The following SETD2 variants were observed in gnomAD, a reference collection of about 807,000 sequenced individuals.
The protein encoded by SETD2 is SET domain containing 2, histone lysine methyltransferase, also known as histone-lysine N-methyltransferase SETD2.
Under a neutral mutation model 242.1 loss-of-function variants are expected in SETD2, and 31 were observed. That is an observed-to-expected ratio of 0.13 (90% CI 0.10 to 0.17). The LOEUF is 0.17. Among genes scored for constraint, SETD2 ranks in the 10% least tolerant of loss-of-function variants. The pLI is 1.00. For synonymous variants in SETD2, 1,006 were observed against 1,066.5 expected (o/e 0.94, Z 1.11); for missense variants, 2,481 against 3,046.3 (o/e 0.81, Z 4.37).
rs192363493 is a variant in SETD2 at position 47,021,488 on chromosome 3, G to A, written c.7351-1648C>T. The stretch of plus-strand genomic sequence containing the variant: ...TGATGAGGTTGGCGGGGGATTGGTG[G>A]GGGGTGGCCTTTAAAAACACAATTA... On this transcript the variant is annotated intron_variant, in intron 18 of 20. Transcript: ENST00000409792. 7.2e-5 allele frequency among the ~76,000 whole-genome samples: 11 copies of A among 152,238 alleles called. No individual in the cohort carries two copies. The East Asian group carries it at 2.1e-3, about 29-fold the overall frequency.
At chr3:47,103,752 A>ACC (rs1416691793) in intron 6 of SETD2, among the ~76,000 whole-genome samples, 2 of 151,928 alleles carry the variant, frequency 1.3e-5, no homozygotes, top group Non-Finnish European at 2.9e-5. Flanking sequence ...ACGCACACAC[A>ACC]CACACACTCC....
chr3:47,083,089 C>A (rs2041386502), intron 12 of SETD2, among the ~76,000 whole-genome samples: 1 of 152,188 alleles, frequency 6.6e-6, no homozygotes, highest in African/African-American at 2.4e-5. Context: ...AAGACTCAGT[C>A]TGGGTTTTCT....
intron 1 of SETD2, among the ~76,000 whole-genome samples, chr3:47,148,110 T>TTTGTTGTTG (rs144690368): frequency 3.4e-5 from 5 of 148,898 alleles, no homozygotes; most frequent in Non-Finnish European, 7.4e-5. Context: ...TTGGTTGTGT[T>TTTGTTGTTG]TTGTTGTTGT....
intron 12 of SETD2, among the ~76,000 whole-genome samples, chr3:47,078,439 C>T (rs564908220): frequency 6.6e-6 from 1 of 150,662 alleles, no homozygotes; most frequent in South Asian, 2.1e-4. Context: ...TAAAGGCAGA[C>T]CGAAGAACTA....
intron 17 of SETD2, 125 bp downstream of exon 17, chr3:47,042,436 A>G (rs2039324304): frequency 2.4e-6 from 2 of 844,652 alleles, no homozygotes; most frequent in Admixed American, 2.4e-5. Context: ...CTGGAAATCC[A>G]GCAGCCTTCA....
At chr3:47,071,506 C>A (rs138265751) in intron 12 of SETD2, among the ~76,000 whole-genome samples, 100 of 152,290 alleles carry the variant, frequency 6.6e-4, no homozygotes, top group African/African-American at 2.2e-3. Flanking sequence ...GAAAGAACTA[C>A]TGTTTAAAGG....
rs758026999 is a variant in SETD2 at position 47,067,089 on chromosome 3, T to A, written c.6090A>T (p.Gln2030His). The A allele has an allele frequency of 6.2e-7, 1 of 1,612,142 alleles. No individual in the cohort carries two copies. The highest frequency in any genetic ancestry group is 8.5e-7 in the Non-Finnish European group (1 of 1,178,388). Residue 2030 changes from glutamine (Q) to histidine (H), a missense_variant, in exon 13 of 21, where the codon CAA (glutamine) becomes CAT (histidine). This residue lies in a region of SETD2 where 80 missense variants were observed against 102.6 expected (regional missense o/e 0.78). Transcript: ENST00000409792. ...KEVYRIPKKS[Q>H]TEKENTTTER... ...ACCTACTTGTGTTTTCCTTTTCAGT[T>A]TGACTTTTCTTTGGAATTCGATATA...
chr3:47,121,598 TCAC>T lies in SETD2; in HGVS notation c.3035_3037del (p.Ser1012_Asp1013delinsAsn), dbSNP rs1559744445. 6.2e-7 allele frequency: 1 copy of T among 1,614,162 alleles called. No homozygotes were observed. Among genetic ancestry groups the T allele is most frequent in the Non-Finnish European group, 8.5e-7 (1 of 1,180,026 alleles). ...ACACTTTAATGCATAAGTTACACCA[TCAC>T]TGTCTTCCATGGTTAAATTCAAATC... On this transcript the variant is annotated inframe_deletion, in exon 3 of 21. Transcript: ENST00000409792.
intron 9 of SETD2, among the ~76,000 whole-genome samples, chr3:47,093,284 CTTTTTT>C (rs67167956): frequency 3.0e-5 from 4 of 133,706 alleles, no homozygotes; most frequent in Non-Finnish European, 4.8e-5. Context: ...TTTATCCATC[CTTTTTT>C]TTTTTTTTTT....
intron 1 of SETD2, 70 bp from the exon 2 acceptor site, chr3:47,126,733 A>G: frequency 2.2e-6 from 2 of 897,158 alleles, no homozygotes; most frequent in Non-Finnish European, 3.5e-6. Flanking sequence ...AAACGATTGA[A>G]ATAATAGTTA....
intron 10 of SETD2, among the ~76,000 whole-genome samples, chr3:47,086,520 C>T (rs1365325218): frequency 1.3e-5 from 2 of 152,250 alleles, no homozygotes; most frequent in African/African-American, 4.8e-5. Flanking sequence ...CTCTGATACA[C>T]AAAATACAGC....
At chr3:47,023,018 G>A (rs1401275735) in intron 18 of SETD2, among the ~76,000 whole-genome samples, 1 of 152,144 alleles carries the variant, frequency 6.6e-6, no homozygotes, top group Non-Finnish European at 1.5e-5. Context: ...GAACCAAGAG[G>A]GTATGGCTTG....
chr3:47,107,800 A>T (rs1479820192), intron 5 of SETD2, among the ~76,000 whole-genome samples: 3 of 150,684 alleles, frequency 2.0e-5, no homozygotes, highest in Non-Finnish European at 4.4e-5. Context: ...GGAAGACCTC[A>T]TCTTGACAAA....
At chr3:47,061,951 A>T (rs530368819) in intron 14 of SETD2, among the ~76,000 whole-genome samples, 36 of 152,330 alleles carry the variant, frequency 2.4e-4, no homozygotes, top group African/African-American at 8.7e-4. Context: ...GGAGCCATTC[A>T]AGAATCAAAA....
At chr3:47,047,247 A>G (rs1439845406) in intron 15 of SETD2, among the ~76,000 whole-genome samples, 1 of 152,214 alleles carries the variant, frequency 6.6e-6, no homozygotes, top group Non-Finnish European at 1.5e-5. Context: ...GCCCCTTAAC[A>G]TACATCATCT....
At chr3:47,105,170 G>C (rs2042360274) in intron 6 of SETD2, among the ~76,000 whole-genome samples, 1 of 152,036 alleles carries the variant, frequency 6.6e-6, no homozygotes, top group Admixed American at 6.6e-5. Context: ...AGTACTTTGG[G>C]AGGCTGAGGC....
At chr3:47,095,794 G>A (rs1430370817) in intron 9 of SETD2, among the ~76,000 whole-genome samples, 3 of 149,922 alleles carry the variant, frequency 2.0e-5, no homozygotes, top group South Asian at 4.2e-4. Flanking sequence ...CCATCATGCA[G>A]AAGTTGAGAA....
intron 17 of SETD2, among the ~76,000 whole-genome samples, 160 bp from the exon 18 acceptor site, chr3:47,037,937 CAATG>C (rs773845157): frequency 1.3e-5 from 2 of 152,206 alleles, no homozygotes; most frequent in Non-Finnish European, 2.9e-5. Flanking sequence ...TTCCTAACAG[CAATG>C]ATTCTAGCAC....
chr3:47,118,358 ATTATTT>A (rs2042943088), intron 3 of SETD2, among the ~76,000 whole-genome samples: 1 of 152,134 alleles, frequency 6.6e-6, no homozygotes. Flanking sequence ...TTATATTCAT[ATTATTT>A]TTTATAAGAG....
Sources: allele counts gnomAD v4.1 joint callset (sites outside exome capture counted in the v4.1 genomes callset), GRCh38; gene constraint gnomAD v4.1.1; regional missense constraint gnomAD v4.1.1; transcripts MANE v1.5; gene names NCBI Gene and HGNC (gene_info 2026-07-23, HGNC 2026-07-21).